The following SYTL2 variants were observed in gnomAD, a reference collection of about 807,000 sequenced individuals.
The protein encoded by SYTL2 is synaptotagmin like 2, also known as synaptotagmin-like protein 2.
SYTL2 carries 165 observed loss-of-function variants against 198.7 expected under a neutral mutation model. The ratio of observed to expected loss-of-function variants is 0.83; its 90% CI spans 0.73 to 0.94. The LOEUF (loss-of-function observed/expected upper bound fraction) is 0.94, where lower values mean the gene tolerates loss of function less well. Ranked by LOEUF, SYTL2 falls within the 40% of genes least tolerant of loss-of-function variation. The pLI is 0.00. For missense variants in SYTL2, 2,835 were observed against 2,582.8 expected (o/e 1.10, Z -2.12); for synonymous variants, 966 against 917.7 (o/e 1.05, Z -0.95).
the SYTL2 span, among the ~76,000 whole-genome samples, chr11:85,846,891 C>T: frequency 1.3e-5 from 2 of 151,778 alleles, no homozygotes; most frequent in Non-Finnish European, 2.9e-5. Context: ...TGCACCACCA[C>T]ACCCAGCTAA....
intron 16 of SYTL2, 155 bp from the exon 17 acceptor site, chr11:85,700,748 ACTGTTGCCTTAATAC>A: frequency 1.7e-6 from 1 of 580,284 alleles, no homozygotes; most frequent in Non-Finnish European, 3.1e-6. Context: ...TCAGAACTAG[ACTGTTGCCTTAATAC>A]CTGGGAAAAC....
At chr11:85,759,315 T>C (rs1216662825) in intron 1 of SYTL2, among the ~76,000 whole-genome samples, 1 of 151,604 alleles carries the variant, frequency 6.6e-6, no homozygotes, top group East Asian at 1.9e-4. Context: ...AGTATGTACA[T>C]TAGTGAATAA....
chr11:85,735,367 A>G (rs1299205300), intron 6 of SYTL2, among the ~76,000 whole-genome samples: 1 of 152,208 alleles, frequency 6.6e-6, no homozygotes, highest in Non-Finnish European at 1.5e-5. Flanking sequence ...AGAAAAACAT[A>G]GAAGTCACTT....
intron 1 of SYTL2, among the ~76,000 whole-genome samples, chr11:85,789,966 A>G (rs1434066867): frequency 6.6e-6 from 1 of 152,104 alleles, no homozygotes; most frequent in African/African-American, 2.4e-5. Flanking sequence ...GCTTGGGATC[A>G]GAACTGTTTG....
At chr11:85,853,886 G>A in the SYTL2 span, 1 of 152,048 alleles carries the variant, frequency 6.6e-6, no homozygotes, top group African/African-American at 2.4e-5. Context: ...ACAGAGGCTC[G>A]CTCTGTCACC....
chr11:85,845,532 G>A, the SYTL2 span, among the ~76,000 whole-genome samples: 1 of 152,170 alleles, frequency 6.6e-6, no homozygotes, highest in African/African-American at 2.4e-5. Context: ...GGAGACTGAG[G>A]CGGGAGGATC....
At chr11:85,765,812 T>C (rs1327598802) in intron 1 of SYTL2, among the ~76,000 whole-genome samples, 1 of 152,032 alleles carries the variant, frequency 6.6e-6, no homozygotes, top group East Asian at 1.9e-4. Flanking sequence ...AACAATAACA[T>C]CCCTGGGTTT....
chr11:85,818,680 T>TCTAA, the SYTL2 span, among the ~76,000 whole-genome samples: 1 of 151,044 alleles, frequency 6.6e-6, no homozygotes, highest in Non-Finnish European at 1.5e-5. Context: ...TATCTATCTA[T>TCTAA]CTATCTATCT....
chr11:85,831,325 C>T, the SYTL2 span, among the ~76,000 whole-genome samples: 254 of 152,302 alleles, frequency 1.7e-3, 2 homozygotes, highest in African/African-American at 5.8e-3. Context: ...AGAAAGTTTG[C>T]TTTTGTACTA....
the SYTL2 span, among the ~76,000 whole-genome samples, chr11:85,831,025 T>C: frequency 6.6e-6 from 1 of 152,150 alleles, no homozygotes; most frequent in Non-Finnish European, 1.5e-5. Context: ...CGCCCTGGGG[T>C]TTTATTCATG....
chr11:85,844,187 G>A, the SYTL2 span, among the ~76,000 whole-genome samples: 4 of 152,170 alleles, frequency 2.6e-5, no homozygotes, highest in Non-Finnish European at 5.9e-5. Context: ...CTCAATTTCT[G>A]TCTCAGTAAA....
intron 1 of SYTL2, among the ~76,000 whole-genome samples, chr11:85,805,275 G>A (rs894715355): frequency 1.3e-5 from 2 of 150,026 alleles, no homozygotes; most frequent in African/African-American, 5.0e-5. Flanking sequence ...AAGACTGCTT[G>A]AGCCCAGGAG....
At chr11:85,732,977 G>A (rs1014680552) in intron 7 of SYTL2, among the ~76,000 whole-genome samples, 8 of 152,172 alleles carry the variant, frequency 5.3e-5, no homozygotes, top group Non-Finnish European at 2.9e-5. Context: ...GGCATCCCCT[G>A]AGAGTGGTAA....
At chr11:85,749,270 CTT>C (rs370802588) in intron 2 of SYTL2, among the ~76,000 whole-genome samples, 67 of 152,328 alleles carry the variant, frequency 4.4e-4, no homozygotes, top group African/African-American at 1.5e-3. Context: ...CAAAATCTCT[CTT>C]GTTTATAGAG....
intron 4 of SYTL2, among the ~76,000 whole-genome samples, chr11:85,741,658 T>C (rs2090796297): frequency 6.6e-6 from 1 of 152,148 alleles, no homozygotes; most frequent in Non-Finnish European, 1.5e-5. Flanking sequence ...CTACCCTGCC[T>C]TTGGGAGCAA....
At chr11:85,713,190 C>T (rs528856155) in intron 12 of SYTL2, among the ~76,000 whole-genome samples, 6 of 152,264 alleles carry the variant, frequency 3.9e-5, no homozygotes, top group African/African-American at 1.4e-4. Flanking sequence ...CAAGAATGGA[C>T]AAAAGGATGC....
the SYTL2 span, among the ~76,000 whole-genome samples, chr11:85,819,286 AAAC>A: frequency 6.6e-6 from 1 of 152,258 alleles, no homozygotes; most frequent in African/African-American, 2.4e-5. Flanking sequence ...AAGAAATTTA[AAAC>A]AACTGTTTCA....
At position 85,700,447 on chromosome 11, in the gene SYTL2, A is replaced by G. The variant is rs2084109788; in HGVS notation, c.6268+68T>C. 7.8e-6 allele frequency: 10 copies of G among 1,284,162 alleles called. 1 individual carries two copies. Among genetic ancestry groups the G allele is most frequent in the Middle Eastern group, 3.7e-4 (2 of 5,356 alleles). The allele number at this position is 1,284,162 out of a possible 1,614,324, so 79.5% of individuals were successfully genotyped here. A position where few individuals can be genotyped will look rare whatever the true frequency, so the allele number is the denominator to read the frequency against. On this transcript the variant is annotated intron_variant, in intron 17 of 19. Transcript: ENST00000359152. ...TTTAGGGCCTCACCTTTGAAAACGC[A>G]TAGTAAATACTGTGAGAAGGGAGGG... is the stretch of plus-strand genomic sequence containing the variant.
chr11:85,846,986 G>A, the SYTL2 span, among the ~76,000 whole-genome samples: 16 of 152,086 alleles, frequency 1.1e-4, no homozygotes, highest in East Asian at 3.9e-4. Flanking sequence ...CACCTGCCTC[G>A]GCCTCCCGAA....
Sources: allele counts gnomAD v4.1 joint callset (sites outside exome capture counted in the v4.1 genomes callset), GRCh38; gene constraint gnomAD v4.1.1; transcripts MANE v1.5; gene names NCBI Gene and HGNC (gene_info 2026-07-23, HGNC 2026-07-21).